TAFA1: variants seen among roughly 807,000 people sequenced by gnomAD.
TAFA1 encodes the protein chemokine-like protein TAFA-1.
A neutral mutation model predicts 18.5 loss-of-function variants in TAFA1; 4 were observed. The observed-to-expected ratio is 0.22, with a 90% CI of 0.11 to 0.49. The LOEUF (loss-of-function observed/expected upper bound fraction) is 0.49, where lower values mean the gene tolerates loss of function less well. Ranked by LOEUF, TAFA1 falls within the 20% of genes least tolerant of loss-of-function variation. The probability of loss-of-function intolerance (pLI) is 0.98; values close to 1 mark genes in which losing one functional copy is unlikely to be tolerated. For missense variants in TAFA1, 147 were observed against 169.0 expected (o/e 0.87, Z 0.72); for synonymous variants, 56 against 55.2 (o/e 1.01, Z -0.06).
intron 2 of TAFA1, among the ~76,000 whole-genome samples, chr3:68,014,073 C>A (rs1436252481): frequency 1.3e-5 from 2 of 152,194 alleles, no homozygotes; most frequent in Admixed American, 1.3e-4. Flanking sequence ...GCTTTCATAT[C>A]ACACAAGAAT....
At chr3:68,498,722 CTTTTTTT>C (rs34030223) in intron 3 of TAFA1, among the ~76,000 whole-genome samples, 14 of 97,026 alleles carry the variant, frequency 1.4e-4, no homozygotes, top group African/African-American at 5.7e-4. Flanking sequence ...CGTTTGGTGG[CTTTTTTT>C]TTTTTTTTTT....
chr3:68,266,453 A>G (rs1223510430), intron 2 of TAFA1, among the ~76,000 whole-genome samples: 2 of 152,166 alleles, frequency 1.3e-5, no homozygotes, highest in Non-Finnish European at 2.9e-5. Flanking sequence ...CTTCACTACC[A>G]TCCCGCATGA....
chr3:68,457,357 A>G (rs2071684407), intron 3 of TAFA1, among the ~76,000 whole-genome samples: 2 of 151,956 alleles, frequency 1.3e-5, no homozygotes, highest in South Asian at 4.2e-4. Context: ...CAAATAGACT[A>G]CTCTCTAAAT....
intron 2 of TAFA1, among the ~76,000 whole-genome samples, chr3:68,215,255 G>C (rs544988966): frequency 3.2e-4 from 49 of 152,188 alleles, no homozygotes; most frequent in African/African-American, 1.2e-3. Flanking sequence ...TAAGCAGTGT[G>C]GTGCTTAAGA....
chr3:67,991,579 C>T, the TAFA1 span, among the ~76,000 whole-genome samples: 1 of 152,328 alleles, frequency 6.6e-6, no homozygotes, highest in African/African-American at 2.4e-5. Context: ...ACATTCTTCT[C>T]CTCCTGGCCC....
At chr3:68,387,330 T>C (rs2070127539) in intron 2 of TAFA1, among the ~76,000 whole-genome samples, 1 of 152,158 alleles carries the variant, frequency 6.6e-6, no homozygotes, top group South Asian at 2.1e-4. Context: ...TTTAAGACAC[T>C]AAGGAAGAGA....
Position 68,027,782 on chromosome 3 carries a change from T to C in TAFA1, c.118+21038T>C, listed in dbSNP as rs555724720. 2.0e-5 allele frequency among the ~76,000 whole-genome samples: 3 copies of C among 152,328 alleles called. No homozygotes were observed. In the East Asian group the frequency reaches 5.8e-4, roughly 29 times the overall value. ...ATGTCATTTCTGTCATCTAATATATTAACTAGTGTTCTCAGCTTAATGTTT... is the reference window on the plus strand; with the variant it reads ...ATGTCATTTCTGTCATCTAATATATCAACTAGTGTTCTCAGCTTAATGTTT... On this transcript the variant is annotated intron_variant, in intron 2 of 4. Coordinates refer to ENST00000478136, the MANE Select transcript of TAFA1 (RefSeq NM_213609.4).
At chr3:68,175,703 C>T (rs757823116) in intron 2 of TAFA1, among the ~76,000 whole-genome samples, 3 of 152,116 alleles carry the variant, frequency 2.0e-5, no homozygotes, top group Non-Finnish European at 2.9e-5. Flanking sequence ...ATTGCCTTGT[C>T]TCAGATAAGA....
chr3:68,339,119 G>A (rs2220668), intron 2 of TAFA1, among the ~76,000 whole-genome samples: 72,963 of 152,110 alleles, frequency 0.48, 17,932 homozygotes, highest in East Asian at 0.73. Context: ...GATGAGAAGT[G>A]TGGAAATTAG....
intron 2 of TAFA1, among the ~76,000 whole-genome samples, chr3:68,394,538 A>G (rs2070335077): frequency 6.6e-6 from 1 of 152,180 alleles, no homozygotes; most frequent in Non-Finnish European, 1.5e-5. Context: ...GCATCATGCT[A>G]CCTGACTTCA....
intron 2 of TAFA1, among the ~76,000 whole-genome samples, chr3:68,297,317 A>C (rs1371485398): frequency 6.6e-6 from 1 of 152,170 alleles, no homozygotes; most frequent in African/African-American, 2.4e-5. Flanking sequence ...TCACTAGCCT[A>C]TCTTTAATTT....
At chr3:68,116,460 A>G (rs2065326244) in intron 2 of TAFA1, among the ~76,000 whole-genome samples, 1 of 152,210 alleles carries the variant, frequency 6.6e-6, no homozygotes, top group Non-Finnish European at 1.5e-5. Context: ...ATTTATTTGT[A>G]GATCATTCAT....
At chr3:68,118,775 G>A (rs574596272) in intron 2 of TAFA1, among the ~76,000 whole-genome samples, 1 of 152,158 alleles carries the variant, frequency 6.6e-6, no homozygotes, top group African/African-American at 2.4e-5. Flanking sequence ...CCATTCATCT[G>A]TTGATAGACA....
At chr3:68,048,870 C>T (rs1392185892) in intron 2 of TAFA1, among the ~76,000 whole-genome samples, 1 of 152,114 alleles carries the variant, frequency 6.6e-6, no homozygotes, top group Non-Finnish European at 1.5e-5. Flanking sequence ...TGTTGATGTA[C>T]ACTGAGGTTT....
chr3:68,471,707 C>T (rs2071999892), intron 3 of TAFA1, among the ~76,000 whole-genome samples: 1 of 152,108 alleles, frequency 6.6e-6, no homozygotes, highest in African/African-American at 2.4e-5. Flanking sequence ...ATCTGTGTCT[C>T]CCAGTTCACT....
intron 3 of TAFA1, among the ~76,000 whole-genome samples, chr3:68,522,721 T>C (rs2106754460): frequency 6.7e-6 from 1 of 149,426 alleles, no homozygotes; most frequent in Middle Eastern, 3.6e-3. Context: ...TGGCAGTGAG[T>C]GCCTGTAATC....
intron 2 of TAFA1, among the ~76,000 whole-genome samples, chr3:68,058,655 G>A (rs2064564098): frequency 6.6e-6 from 1 of 152,140 alleles, no homozygotes; most frequent in South Asian, 2.1e-4. Flanking sequence ...AGAAAAAAAT[G>A]TTCTTAAAAC....
chr3:68,439,971 A>G (rs1272907187), intron 3 of TAFA1, among the ~76,000 whole-genome samples: 1 of 152,158 alleles, frequency 6.6e-6, no homozygotes, highest in Non-Finnish European at 1.5e-5. Context: ...CCAATCCCCA[A>G]CTCAAATGCT....
At chr3:68,280,075 G>T (rs985056538) in intron 2 of TAFA1, among the ~76,000 whole-genome samples, 36 of 152,174 alleles carry the variant, frequency 2.4e-4, no homozygotes, top group African/African-American at 8.7e-4. Flanking sequence ...TAATAGTGTA[G>T]GTCATATATT....
Sources: allele counts gnomAD v4.1 joint callset (sites outside exome capture counted in the v4.1 genomes callset), GRCh38; gene constraint gnomAD v4.1.1; transcripts MANE v1.5; gene names NCBI Gene and HGNC (gene_info 2026-07-23, HGNC 2026-07-21).